DAPL1: variants seen among roughly 807,000 people sequenced by gnomAD.
The protein encoded by DAPL1 is death associated protein like 1, also known as death-associated protein-like 1.
In DAPL1, 17 loss-of-function variants were observed where a neutral mutation model predicts 12.9. That is an observed-to-expected ratio of 1.32 (90% CI 0.90 to 1.98). The LOEUF (loss-of-function observed/expected upper bound fraction) is 1.98, where lower values mean the gene tolerates loss of function less well. Ranked by LOEUF, DAPL1 falls within the 30% of genes most tolerant of loss-of-function variation. DAPL1 has a pLI of 0.00. For missense variants in DAPL1, 157 were observed against 125.7 expected, an observed-to-expected ratio of 1.25 and a Z score of -1.19; for synonymous variants, 51 against 42.0, an observed-to-expected ratio of 1.21 and a Z score of -0.82.
intron 1 of DAPL1, among the ~76,000 whole-genome samples, chr2:158,802,488 G>A (rs2059173612): frequency 6.6e-6 from 1 of 152,202 alleles, no homozygotes; most frequent in South Asian, 2.1e-4. Flanking sequence ...AGAAAGTCCA[G>A]ATGGGCCAAT....
At chr2:158,796,985 C>T (rs1322950956) in intron 1 of DAPL1, among the ~76,000 whole-genome samples, 1 of 152,214 alleles carries the variant, frequency 6.6e-6, no homozygotes, top group Non-Finnish European at 1.5e-5. Context: ...CATCCTTCAG[C>T]CTGTCTTGCC....
chr2:158,799,542 A>G (rs933694114), intron 1 of DAPL1, among the ~76,000 whole-genome samples: 9 of 152,142 alleles, frequency 5.9e-5, no homozygotes, highest in Admixed American at 1.3e-4. Context: ...CCCAGCAGAG[A>G]TTTTAAGATA....
At chr2:158,806,506 T>C (rs2059201873) in intron 2 of DAPL1, among the ~76,000 whole-genome samples, 1 of 152,008 alleles carries the variant, frequency 6.6e-6, no homozygotes, top group South Asian at 2.1e-4. Context: ...AGCATGTGCA[T>C]GTTTCTGTAT....
At position 158,807,220 on chromosome 2, in the gene DAPL1, G is replaced by A. The variant is rs889843269; in HGVS notation, c.207+105G>A. The A allele has an allele frequency of 7.2e-6, 5 of 693,080 alleles. No individual in the cohort carries two copies. In the South Asian group the frequency reaches 1.2e-4, roughly 16 times the overall value. The allele number at this position is 693,080 out of a possible 1,614,324, so 42.9% of individuals were successfully genotyped here. A position where few individuals can be genotyped will look rare whatever the true frequency, so the allele number is the denominator to read the frequency against. On this transcript the variant is annotated intron_variant, in intron 3 of 3. Coordinates refer to ENST00000309950, the MANE Select transcript of DAPL1 (RefSeq NM_001017920.3). ...CCACTGAGGTTTTTTCCAACCCAGA[G>A]GTTTGAGGTCCTTGTGAAAGAATTT...
chr2:158,800,226 TC>T (rs1405413555), intron 1 of DAPL1, among the ~76,000 whole-genome samples: 12 of 152,264 alleles, frequency 7.9e-5, no homozygotes, highest in Non-Finnish European at 1.6e-4. Flanking sequence ...TCCACTGAAT[TC>T]CCCAAAGTTC....
chr2:158,814,963 A>T (rs1477406845), intron 3 of DAPL1, among the ~76,000 whole-genome samples: 1 of 152,242 alleles, frequency 6.6e-6, no homozygotes, highest in Non-Finnish European at 1.5e-5. Flanking sequence ...AGTGGTCAGC[A>T]GCATTGGGCA....
intron 3 of DAPL1, among the ~76,000 whole-genome samples, chr2:158,809,296 T>C (rs1197259148): frequency 3.1e-5 from 4 of 128,188 alleles, no homozygotes; most frequent in Non-Finnish European, 6.2e-5. Context: ...AGGTGGAGGT[T>C]GCAGTGAGCC....
intron 3 of DAPL1, among the ~76,000 whole-genome samples, chr2:158,810,834 A>G (rs1190230633): frequency 6.6e-6 from 1 of 152,234 alleles, no homozygotes; most frequent in African/African-American, 2.4e-5. Flanking sequence ...AAAGCTCTTT[A>G]GGCTAGAAAT....
chr2:158,814,973 A>G (rs889853835), intron 3 of DAPL1, among the ~76,000 whole-genome samples: 1 of 152,222 alleles, frequency 6.6e-6, no homozygotes, highest in African/African-American at 2.4e-5. Context: ...AGCATTGGGC[A>G]TGCTTTCTAT....
Position 158,815,679 on chromosome 2 carries a change from A to AT in DAPL1, c.208-20dup, listed in dbSNP as rs764166418. 6 of 1,465,284 alleles carry AT rather than the reference A, an allele frequency of 4.1e-6. No homozygotes were observed. The South Asian group carries it at 5.7e-5, about 14-fold the overall frequency. 90.8% of individuals were successfully genotyped at this position (1,465,284 alleles called of 1,614,324 possible). A position where few individuals can be genotyped will look rare whatever the true frequency, so the allele number is the denominator to read the frequency against. The stretch of plus-strand genomic sequence containing the variant: ...ATGACCAAGAAGATCCAATATGCCT[A>AT]TTTTTTCTTCCCTTCTCACCTTTAG... On this transcript the variant is annotated intron_variant, in intron 3 of 3. Coordinates refer to ENST00000309950, the MANE Select transcript of DAPL1 (RefSeq NM_001017920.3).
chr2:158,807,193 G>A lies in DAPL1; in HGVS notation c.207+78G>A, dbSNP rs1575228247. 3.1e-5 allele frequency: 35 copies of A among 1,127,272 alleles called. No homozygotes were observed. The East Asian group carries it at 8.0e-4, about 26-fold the overall frequency. The allele number at this position is 1,127,272 out of a possible 1,614,324, so 69.8% of individuals were successfully genotyped here. On this transcript the variant is annotated intron_variant, in intron 3 of 3. Coordinates refer to ENST00000309950, the MANE Select transcript of DAPL1 (RefSeq NM_001017920.3). The stretch of plus-strand genomic sequence containing the variant: ...CAGCTGCATGGGTGAATGAGCGGAT[G>A]ACCACTGAGGTTTTTTCCAACCCAG...
intron 1 of DAPL1, among the ~76,000 whole-genome samples, chr2:158,796,227 C>T (rs576273648): frequency 2.1e-4 from 32 of 152,284 alleles, no homozygotes; most frequent in Non-Finnish European, 4.1e-4. Context: ...AACTCAAAAG[C>T]TTGACTGCTT....
At chr2:158,813,684 T>C (rs887358298) in intron 3 of DAPL1, among the ~76,000 whole-genome samples, 2 of 151,354 alleles carry the variant, frequency 1.3e-5, no homozygotes, top group Non-Finnish European at 2.9e-5. Context: ...GCCTCCAGAG[T>C]AGCTGGGACT....
At chr2:158,810,634 C>A (rs1272348628) in intron 3 of DAPL1, among the ~76,000 whole-genome samples, 1 of 152,092 alleles carries the variant, frequency 6.6e-6, no homozygotes, top group African/African-American at 2.4e-5. Context: ...CTAGAATCTA[C>A]CCCCACAGTA....
intron 1 of DAPL1, among the ~76,000 whole-genome samples, chr2:158,802,311 TAGGAG>T (rs1189099363): frequency 6.6e-6 from 1 of 152,216 alleles, no homozygotes; most frequent in Non-Finnish European, 1.5e-5. Context: ...CTAAAACTGT[TAGGAG>T]AGCAAGAACC....
At position 158,799,956 on chromosome 2, in the gene DAPL1, C is replaced by T. The variant is rs149495079; in HGVS notation, c.59-4326C>T. On this transcript the variant is annotated intron_variant, in intron 1 of 3. Transcript: ENST00000309950. ...GCGGGCACCTGTAGTCCCAGCTACT[C>T]GGGAGGCTGAGGCAGGAGAATCACT... 7.8e-3 allele frequency among the ~76,000 whole-genome samples: 1,180 copies of T among 150,854 alleles called. 21 individuals carry two copies. Among genetic ancestry groups the T allele is most frequent in the African/African-American group, 0.026 (1,067 of 40,994 alleles).
intron 1 of DAPL1, among the ~76,000 whole-genome samples, chr2:158,799,969 C>T (rs1354740826): frequency 6.7e-6 from 1 of 149,990 alleles, no homozygotes; most frequent in Non-Finnish European, 1.5e-5. Flanking sequence ...GAGGCTGAGG[C>T]AGGAGAATCA....
At chr2:158,812,220 T>A (rs2059234900) in intron 3 of DAPL1, among the ~76,000 whole-genome samples, 1 of 152,238 alleles carries the variant, frequency 6.6e-6, no homozygotes. Flanking sequence ...GCCAGAATTA[T>A]TCCTACTTTT....
chr2:158,804,233 G>A, intron 1 of DAPL1, 49 bp from the exon 2 acceptor site: 1 of 1,280,676 alleles, frequency 7.8e-7, no homozygotes, highest in South Asian at 1.3e-5. Flanking sequence ...AACAAAGCAA[G>A]CCTTCTCTCA....
Sources: gnomAD v4.1 joint callset for allele counts (sites outside exome capture counted in the v4.1 genomes callset) on GRCh38, gnomAD v4.1.1 for gene constraint, MANE v1.5 for transcripts, NCBI Gene and HGNC (gene_info 2026-07-23, HGNC 2026-07-21) for gene names.